Variants in TRAPPC9 observed in about 807,000 individuals in gnomAD.
TRAPPC9 encodes trafficking protein particle complex subunit 9.
A neutral mutation model predicts 124.0 loss-of-function variants in TRAPPC9; 83 were observed. The observed-to-expected ratio is 0.67, with a 90% CI of 0.56 to 0.80. The LOEUF (loss-of-function observed/expected upper bound fraction) is 0.80, where lower values mean the gene tolerates loss of function less well. TRAPPC9 is among the 30% of genes least tolerant of loss of function. The probability of loss-of-function intolerance (pLI) is 0.00; values close to 1 mark genes in which losing one functional copy is unlikely to be tolerated. For synonymous variants in TRAPPC9, 638 were observed against 617.5 expected (o/e 1.03, Z -0.49); for missense variants, 1,302 against 1,508.3 (o/e 0.86, Z 2.27).
intron 15 of TRAPPC9, among the ~76,000 whole-genome samples, chr8:140,253,340 G>T (rs970226417): frequency 2.0e-5 from 3 of 152,086 alleles, no homozygotes; most frequent in Non-Finnish European, 2.9e-5. Flanking sequence ...TAGGGAAAGT[G>T]TATATTTAAT....
At chr8:139,823,213 G>A (rs1451938703) in intron 21 of TRAPPC9, among the ~76,000 whole-genome samples, 1 of 152,168 alleles carries the variant, frequency 6.6e-6, no homozygotes, top group African/African-American at 2.4e-5. Flanking sequence ...CACCCCAGAG[G>A]CGCGAGGTGG....
chr8:139,945,542 G>A (rs1218979159), intron 19 of TRAPPC9, among the ~76,000 whole-genome samples: 1 of 9,396 alleles, frequency 1.1e-4, no homozygotes, highest in Admixed American at 1.8e-3. Flanking sequence ...AGCACAATTA[G>A]CAAAAAAAAA....
chr8:140,173,116 T>A (rs530158677), intron 17 of TRAPPC9, among the ~76,000 whole-genome samples: 26 of 152,340 alleles, frequency 1.7e-4, no homozygotes, highest in Non-Finnish European at 3.5e-4. Context: ...GTACTAGGTT[T>A]TATACTGACG....
intron 15 of TRAPPC9, among the ~76,000 whole-genome samples, chr8:140,255,998 G>A (rs2064246490): frequency 1.3e-5 from 2 of 152,144 alleles, no homozygotes; most frequent in South Asian, 2.1e-4. Context: ...AGATGGAATG[G>A]GTCAACAAGA....
intron 18 of TRAPPC9, among the ~76,000 whole-genome samples, chr8:139,996,420 G>A (rs900621500): frequency 4.6e-5 from 7 of 151,864 alleles, no homozygotes; most frequent in African/African-American, 1.7e-4. Context: ...GGGGTGGTGG[G>A]GGAACTCTAA....
At chr8:139,743,946 A>T (rs533669328) in intron 21 of TRAPPC9, among the ~76,000 whole-genome samples, 1 of 152,340 alleles carries the variant, frequency 6.6e-6, no homozygotes, top group South Asian at 2.1e-4. Context: ...AGAACTAAAC[A>T]TGAATCCACC....
At chr8:139,846,842 T>G (rs1434177090) in intron 21 of TRAPPC9, among the ~76,000 whole-genome samples, 1 of 152,194 alleles carries the variant, frequency 6.6e-6, no homozygotes, top group Non-Finnish European at 1.5e-5. Flanking sequence ...CAGGCGCAGG[T>G]AGTAGGCTAA....
At chr8:140,152,878 A>C (rs1314113034) in intron 17 of TRAPPC9, among the ~76,000 whole-genome samples, 1 of 151,920 alleles carries the variant, frequency 6.6e-6, no homozygotes, top group Non-Finnish European at 1.5e-5. Flanking sequence ...TGTTTATTTC[A>C]TTTTCTAACA....
At chr8:140,012,871 G>C (rs560783343) in intron 18 of TRAPPC9, among the ~76,000 whole-genome samples, 1 of 152,202 alleles carries the variant, frequency 6.6e-6, no homozygotes, top group Non-Finnish European at 1.5e-5. Context: ...GAGGGTCACC[G>C]TAAGTTCTGA....
intron 10 of TRAPPC9, among the ~76,000 whole-genome samples, chr8:140,305,646 T>C (rs2066110139): frequency 6.6e-6 from 1 of 152,190 alleles, no homozygotes; most frequent in African/African-American, 2.4e-5. Flanking sequence ...TATGCATTTC[T>C]TAAGGGAGTG....
chr8:140,036,485 GA>G (rs59494950), intron 17 of TRAPPC9, among the ~76,000 whole-genome samples: 39,424 of 151,842 alleles, frequency 0.26, 7,476 homozygotes, highest in African/African-American at 0.54. Flanking sequence ...ATTCTTGACC[GA>G]AAAAAAATGA....
At chr8:140,410,716 A>G (rs530565892) in intron 5 of TRAPPC9, among the ~76,000 whole-genome samples, 75 of 149,914 alleles carry the variant, frequency 5.0e-4, no homozygotes, top group Middle Eastern at 3.6e-3. Flanking sequence ...GGTGGCGGGC[A>G]CCTGTAGTCC....
chr8:139,879,986 C>T (rs984763674), intron 21 of TRAPPC9, among the ~76,000 whole-genome samples: 10 of 152,190 alleles, frequency 6.6e-5, no homozygotes, highest in South Asian at 6.2e-4. Context: ...CCATGGGGTC[C>T]GCGTCTGCTT....
At chr8:140,448,414 G>GCA (rs2071343994) in intron 2 of TRAPPC9, among the ~76,000 whole-genome samples, 17 of 152,330 alleles carry the variant, frequency 1.1e-4, no homozygotes, top group Admixed American at 1.1e-3. Context: ...TATGCGTGAC[G>GCA]CACTGCGTCA....
chr8:139,896,537 GA>G (rs1830680609), intron 20 of TRAPPC9, among the ~76,000 whole-genome samples: 1 of 152,186 alleles, frequency 6.6e-6, no homozygotes, highest in Non-Finnish European at 1.5e-5. Flanking sequence ...GAGGCTCATG[GA>G]AAGAAAAAGA....
At chr8:140,072,163 A>T (rs970281784) in intron 17 of TRAPPC9, among the ~76,000 whole-genome samples, 1 of 152,202 alleles carries the variant, frequency 6.6e-6, no homozygotes, top group African/African-American at 2.4e-5. Context: ...AACCTTGTCA[A>T]ACCTCACAGA....
chr8:139,805,804 C>T (rs183048448), intron 21 of TRAPPC9, among the ~76,000 whole-genome samples: 17 of 152,222 alleles, frequency 1.1e-4, no homozygotes, highest in Admixed American at 9.2e-4. Flanking sequence ...CGAAAATACA[C>T]AGAACGAAGA....
rs963882838 is a variant in TRAPPC9, at chr8:139,742,808, T to C, written c.3056-10606A>G. On this transcript the variant is annotated intron_variant, in intron 21 of 22. Coordinates refer to ENST00000438773, the MANE Select transcript of TRAPPC9 (RefSeq NM_001160372.4). The surrounding 1 kb of genome is among the most constrained non-coding windows in gnomAD (Gnocchi z 4.7). ...ACCCAGGAAACATTCACTGAAATGC[T>C]GCATCTGTGGGAGAAGAACAGCCGC... is the stretch of plus-strand genomic sequence containing the variant. Among the ~76,000 whole-genome samples, 11 of 152,206 alleles carry C rather than the reference T, an allele frequency of 7.2e-5. No individual in the cohort carries two copies. The highest frequency in any genetic ancestry group is 2.7e-4 in the African/African-American group (11 of 41,450).
chr8:140,453,199 T>C (rs889222517), intron 1 of TRAPPC9, among the ~76,000 whole-genome samples: 2 of 152,164 alleles, frequency 1.3e-5, no homozygotes, highest in African/African-American at 4.8e-5. Context: ...GGGCTGACAC[T>C]TCCTGAGGGG....
Sources: allele counts gnomAD v4.1 joint callset (sites outside exome capture counted in the v4.1 genomes callset), GRCh38; gene constraint gnomAD v4.1.1; non-coding constraint Gnocchi (gnomAD v3.1); transcripts MANE v1.5; gene names NCBI Gene and HGNC (gene_info 2026-07-23, HGNC 2026-07-21).